Variants in PCDH15 observed in about 807,000 individuals in gnomAD.
The protein encoded by PCDH15 is protocadherin related 15.
Under a neutral mutation model 178.5 loss-of-function variants are expected in PCDH15, and 129 were observed. The observed-to-expected ratio is 0.72, with a 90% CI of 0.63 to 0.84. The LOEUF is 0.84. PCDH15 is among the 40% of genes least tolerant of loss of function. The pLI, the probability that PCDH15 is intolerant of heterozygous loss-of-function variation, is 0.00. For missense variants in PCDH15, 2,230 were observed against 2,099.9 expected, an observed-to-expected ratio of 1.06 and a Z score of -1.21; for synonymous variants, 800 against 732.0, an observed-to-expected ratio of 1.09 and a Z score of -1.50.
intron 21 of PCDH15, among the ~76,000 whole-genome samples, chr10:53,980,188 T>A (rs1255470206): frequency 6.9e-6 from 1 of 144,780 alleles, no homozygotes; most frequent in East Asian, 2.0e-4. Flanking sequence ...ACCACTACAC[T>A]CCAGCCTGGG....
intron 2 of PCDH15, among the ~76,000 whole-genome samples, chr10:55,134,557 T>C (rs1382173650): frequency 2.0e-5 from 3 of 152,226 alleles, no homozygotes; most frequent in Non-Finnish European, 4.4e-5. Context: ...GCTTGTACCT[T>C]GTGATGTCCT....
chr10:53,829,096 A>T (rs1277430195), intron 30 of PCDH15, among the ~76,000 whole-genome samples: 1 of 152,234 alleles, frequency 6.6e-6, no homozygotes, highest in Admixed American at 6.5e-5. Context: ...GTTCAAAGGC[A>T]TATCATTATA....
chr10:53,871,074 C>T (rs2079808846), intron 26 of PCDH15, among the ~76,000 whole-genome samples: 1 of 151,854 alleles, frequency 6.6e-6, no homozygotes, highest in Admixed American at 6.6e-5. Context: ...TGGCTCACAC[C>T]TGTAATCTCA....
chr10:54,483,006 T>C (rs562967868), intron 3 of PCDH15, among the ~76,000 whole-genome samples: 3 of 151,852 alleles, frequency 2.0e-5, no homozygotes, highest in Non-Finnish European at 4.4e-5. Flanking sequence ...TGGCAGAGAT[T>C]CAAAGTAGAG....
intron 2 of PCDH15, among the ~76,000 whole-genome samples, chr10:55,365,299 T>G (rs1436114022): frequency 6.6e-6 from 1 of 152,146 alleles, no homozygotes; most frequent in African/African-American, 2.4e-5. Context: ...TGTATGTTAT[T>G]TCTAAAGTGA....
In PCDH15 at chr10:54,286,047, G is replaced by A. The variant is rs539072158; in HGVS notation, c.876+31224C>T. ...AGCAGTTGCTAGAGACTGAGAAGTA[G>A]AGTGAGAAGGAAAGATGGAGAGAGA... On this transcript the variant is annotated intron_variant, in intron 8 of 37. Coordinates refer to ENST00000644397, the MANE Select transcript of PCDH15 (RefSeq NM_001384140.1). 6.6e-5 allele frequency among the ~76,000 whole-genome samples: 10 copies of A among 152,338 alleles called. 1 individual carries two copies. The South Asian group carries it at 1.9e-3, about 28-fold the overall frequency.
intron 3 of PCDH15, among the ~76,000 whole-genome samples, chr10:54,490,543 TATC>T (rs1220734909): frequency 3.4e-4 from 52 of 152,046 alleles, no homozygotes; most frequent in Admixed American, 2.7e-3. Flanking sequence ...TTAAAAAAGT[TATC>T]ATATGATATG....
chr10:55,142,404 A>G (rs1398496187), intron 2 of PCDH15, among the ~76,000 whole-genome samples: 1 of 151,770 alleles, frequency 6.6e-6, no homozygotes, highest in African/African-American at 2.4e-5. Flanking sequence ...AATTGTTAAT[A>G]TGGATGTAGA....
At chr10:55,257,008 T>G (rs1277567529) in intron 1 of PCDH15, among the ~76,000 whole-genome samples, 1 of 152,122 alleles carries the variant, frequency 6.6e-6, no homozygotes, top group Non-Finnish European at 1.5e-5. Flanking sequence ...CACTGCCAGG[T>G]ACTCCTCTGA....
intron 2 of PCDH15, among the ~76,000 whole-genome samples, chr10:55,522,370 T>C (rs575640991): frequency 3.3e-5 from 5 of 151,960 alleles, no homozygotes; most frequent in Admixed American, 6.6e-5. Flanking sequence ...TATTTCCCTA[T>C]TGATTTTCTG....
intron 10 of PCDH15, among the ~76,000 whole-genome samples, chr10:54,203,616 A>AT (rs1302092897): frequency 6.6e-6 from 1 of 152,300 alleles, no homozygotes; most frequent in East Asian, 1.9e-4. Context: ...TCCTGTTGCT[A>AT]GTGACTAAAC....
At chr10:54,613,839 CAAT>C (rs955511922) in intron 2 of PCDH15, among the ~76,000 whole-genome samples, 4 of 151,554 alleles carry the variant, frequency 2.6e-5, no homozygotes, top group African/African-American at 4.8e-5. Context: ...CACGAGAAAA[CAAT>C]AATCCAAATT....
intron 2 of PCDH15, among the ~76,000 whole-genome samples, chr10:55,469,763 A>G (rs1394913499): frequency 6.6e-6 from 1 of 152,016 alleles, no homozygotes; most frequent in Non-Finnish European, 1.5e-5. Flanking sequence ...TGTTTATTAT[A>G]TTGCCACAAC....
At chr10:54,255,367 G>T (rs2056817194) in intron 8 of PCDH15, among the ~76,000 whole-genome samples, 1 of 152,082 alleles carries the variant, frequency 6.6e-6, no homozygotes, top group South Asian at 2.1e-4. Flanking sequence ...TTTACATTAT[G>T]CTGACCAGTT....
Position 53,806,436 on chromosome 10 carries a change from T to C in PCDH15, c.*143A>G, listed in dbSNP as rs2132350136. The C allele has an allele frequency of 1.4e-6, 1 of 726,330 alleles. No homozygotes were observed. Among genetic ancestry groups the C allele is most frequent in the African/African-American group, 1.8e-5 (1 of 56,448 alleles). 45.0% of individuals were successfully genotyped at this position (726,330 alleles called of 1,614,324 possible). On this transcript the variant is annotated 3_prime_UTR_variant, in exon 38 of 38. Coordinates refer to ENST00000644397, the MANE Select transcript of PCDH15 (RefSeq NM_001384140.1). The stretch of plus-strand genomic sequence containing the variant: ...AACAATGTGAGTGCAAATCTGTCTC[T>C]TAAAATTTTAAAGCATATTGTTCAA...
chr10:55,187,909 A>T (rs1839841066), intron 1 of PCDH15, among the ~76,000 whole-genome samples: 2 of 151,904 alleles, frequency 1.3e-5, no homozygotes. Flanking sequence ...TTTTATAATG[A>T]CTACTTTAAT....
At chr10:54,250,499 G>A (rs1392635446) in intron 8 of PCDH15, among the ~76,000 whole-genome samples, 1 of 151,094 alleles carries the variant, frequency 6.6e-6, no homozygotes, top group Admixed American at 6.6e-5. Context: ...TAGCCAGGAT[G>A]GTCTCGATCT....
At chr10:54,102,538 A>C (rs1299491876) in intron 15 of PCDH15, among the ~76,000 whole-genome samples, 1 of 152,238 alleles carries the variant, frequency 6.6e-6, no homozygotes, top group Non-Finnish European at 1.5e-5. Context: ...AGAGTTGAAC[A>C]GGGATGTGGT....
rs979999337 is a variant in PCDH15, at chr10:54,131,477, CT to C, written c.1917+1397del. Among the ~76,000 whole-genome samples, 14 of 151,840 alleles carry C rather than the reference CT, an allele frequency of 9.2e-5. No homozygotes were observed. In the East Asian group the frequency reaches 1.5e-3, roughly 17 times the overall value. On this transcript the variant is annotated intron_variant, in intron 15 of 37. Coordinates refer to ENST00000644397, the MANE Select transcript of PCDH15 (RefSeq NM_001384140.1). ...ATTCTTTATCATTACAATACTTTGA[CT>C]TTTTTTTCCTCCTAAAGAGACTGTA...
Sources: gnomAD v4.1 joint callset for allele counts (sites outside exome capture counted in the v4.1 genomes callset) on GRCh38, gnomAD v4.1.1 for gene constraint, MANE v1.5 for transcripts, NCBI Gene and HGNC (gene_info 2026-07-23, HGNC 2026-07-21) for gene names.